FGF2: variants seen among roughly 807,000 people sequenced by gnomAD.
The protein encoded by FGF2 is basic fibroblast growth factor bFGF.
In FGF2, 13 loss-of-function variants were observed where a neutral mutation model predicts 15.9. The observed-to-expected ratio is 0.82, with a 90% CI of 0.53 to 1.30. The LOEUF (loss-of-function observed/expected upper bound fraction) is 1.30. Ranked by LOEUF, FGF2 falls within the 50% of genes most tolerant of loss-of-function variation. The probability of loss-of-function intolerance (pLI) is 0.00; values close to 1 mark genes in which losing one functional copy is unlikely to be tolerated. For missense variants in FGF2, 163 were observed against 196.9 expected (o/e 0.83, Z 1.03); for synonymous variants, 90 against 78.4 (o/e 1.15, Z -0.78).
At position 122,827,831 on chromosome 4, in the gene FGF2, T is replaced by A. The variant is rs942631091; in HGVS notation, c.178+479T>A. Among the ~76,000 whole-genome samples, 2 of 152,176 alleles carry A rather than the reference T, an allele frequency of 1.3e-5. No homozygotes were observed. The highest frequency in any genetic ancestry group is 1.3e-4 in the Admixed American group (2 of 15,282). ...TTCCGACTCGGGACGACCCGAGGCA[T>A]ATGGCACACTACTCTCACCCACTCT... On this transcript the variant is annotated intron_variant, in intron 1 of 2. Transcript: ENST00000644866. The surrounding 1 kb of genome is among the most constrained non-coding windows in gnomAD (Gnocchi z 4.2).
chr4:122,860,657 A>T (rs1488523613), intron 1 of FGF2, among the ~76,000 whole-genome samples: 1 of 151,896 alleles, frequency 6.6e-6, no homozygotes, highest in Non-Finnish European at 1.5e-5. Context: ...GGTTCTTGCC[A>T]TGTTGACCAG....
At chr4:122,882,882 G>C (rs1205562119) in intron 2 of FGF2, 3 of 152,174 alleles carry the variant, frequency 2.0e-5, no homozygotes, top group Admixed American at 6.5e-5. Context: ...TCAATCTTCA[G>C]ATGAAAAAGT....
chr4:122,834,466 A>G (rs1207628181), intron 1 of FGF2, among the ~76,000 whole-genome samples: 8 of 152,106 alleles, frequency 5.3e-5, no homozygotes, highest in African/African-American at 1.7e-4. Context: ...CACTTAAATC[A>G]TTCTTATGAG....
At chr4:122,847,907 A>G (rs543719467) in intron 1 of FGF2, among the ~76,000 whole-genome samples, 4 of 152,342 alleles carry the variant, frequency 2.6e-5, no homozygotes, top group South Asian at 4.1e-4. Context: ...ACTCTACTCA[A>G]AGTCCACTGA....
At chr4:122,849,769 G>A (rs759655087) in intron 1 of FGF2, among the ~76,000 whole-genome samples, 1 of 152,072 alleles carries the variant, frequency 6.6e-6, no homozygotes, top group Non-Finnish European at 1.5e-5. Context: ...TGTGACTGCT[G>A]GCTGGGTAGC....
intron 1 of FGF2, among the ~76,000 whole-genome samples, chr4:122,848,326 G>A (rs942725905): frequency 6.6e-6 from 1 of 152,214 alleles, no homozygotes; most frequent in African/African-American, 2.4e-5. Flanking sequence ...TTCCCCTGAG[G>A]TGTGTGGGTT....
At chr4:122,846,458 G>A (rs1270534287) in intron 1 of FGF2, among the ~76,000 whole-genome samples, 1 of 152,200 alleles carries the variant, frequency 6.6e-6, no homozygotes, top group Non-Finnish European at 1.5e-5. Flanking sequence ...AGGCATGCCT[G>A]TATATGTGCA....
chr4:122,871,515 TG>T (rs1726731460), intron 1 of FGF2, among the ~76,000 whole-genome samples: 1 of 151,886 alleles, frequency 6.6e-6, no homozygotes, highest in African/African-American at 2.4e-5. Flanking sequence ...TTCATCAAAC[TG>T]GTCCTATTAC....
chr4:122,876,215 G>A, intron 1 of FGF2, 106 bp from the exon 2 acceptor site: 1 of 750,900 alleles, frequency 1.3e-6, no homozygotes, highest in Non-Finnish European at 2.4e-6. Flanking sequence ...CCTCCAAAGT[G>A]GATTAGTTGT....
At chr4:122,861,654 T>C (rs1403769383) in intron 1 of FGF2, among the ~76,000 whole-genome samples, 3 of 152,048 alleles carry the variant, frequency 2.0e-5, no homozygotes, top group Admixed American at 6.5e-5. Flanking sequence ...CATTAAAAGC[T>C]CTCATTCTTT....
intron 2 of FGF2, among the ~76,000 whole-genome samples, chr4:122,890,587 C>A (rs187789730): frequency 6.6e-6 from 1 of 152,168 alleles, no homozygotes; most frequent in Non-Finnish European, 1.5e-5. Flanking sequence ...AGTTCTTTCC[C>A]AGGCTTTACT....
chr4:122,891,884 TTTC>T (rs1295070261), intron 2 of FGF2, among the ~76,000 whole-genome samples: 2 of 152,194 alleles, frequency 1.3e-5, no homozygotes, highest in African/African-American at 4.8e-5. Flanking sequence ...CCATAGCATA[TTTC>T]TTCTTACTGG....
chr4:122,876,497 A>G, intron 2 of FGF2, 73 bp downstream of exon 2: 1 of 930,880 alleles, frequency 1.1e-6, no homozygotes. Context: ...ATTGTTGTTT[A>G]TCAAATCTTT....
intron 1 of FGF2, among the ~76,000 whole-genome samples, chr4:122,837,121 A>G (rs962082387): frequency 1.3e-5 from 2 of 152,126 alleles, no homozygotes; most frequent in African/African-American, 4.8e-5. Flanking sequence ...AATGGCATGG[A>G]TAGTTTCATC....
At chr4:122,844,582 TCTTTCTTCCTTC>T (rs1172167587) in intron 1 of FGF2, among the ~76,000 whole-genome samples, 1 of 117,246 alleles carries the variant, frequency 8.5e-6, no homozygotes, top group Non-Finnish European at 1.6e-5. Context: ...TTTCTTTCTT[TCTTTCTTCCTTC>T]CTTCCTTCCT....
intron 1 of FGF2, among the ~76,000 whole-genome samples, chr4:122,864,126 TA>T (rs1269538417): frequency 1.3e-5 from 2 of 151,624 alleles, no homozygotes; most frequent in East Asian, 1.9e-4. Context: ...GTTGATACAT[TA>T]AAAAAAAATC....
intron 1 of FGF2, among the ~76,000 whole-genome samples, chr4:122,831,874 A>G (rs1578447618): frequency 6.6e-6 from 1 of 152,356 alleles, no homozygotes; most frequent in South Asian, 2.1e-4. Flanking sequence ...ACATAATTTT[A>G]AAGTTTAATT....
At chr4:122,885,101 T>C (rs1727031227) in intron 2 of FGF2, among the ~76,000 whole-genome samples, 1 of 152,232 alleles carries the variant, frequency 6.6e-6, no homozygotes, top group Non-Finnish European at 1.5e-5. Flanking sequence ...CTGGTCTATT[T>C]TCCTTAGGGA....
intron 1 of FGF2, among the ~76,000 whole-genome samples, chr4:122,832,990 A>G (rs897335734): frequency 4.6e-5 from 7 of 152,244 alleles, no homozygotes; most frequent in Admixed American, 1.3e-4. Context: ...AAGCCAGACC[A>G]GTCTCATTCT....
Sources: allele counts gnomAD v4.1 joint callset (sites outside exome capture counted in the v4.1 genomes callset), GRCh38; gene constraint gnomAD v4.1.1; non-coding constraint Gnocchi (gnomAD v3.1); transcripts MANE v1.5; gene names NCBI Gene and HGNC (gene_info 2026-07-23, HGNC 2026-07-21).